The following IGF1R variants were observed in gnomAD, a reference collection of about 807,000 sequenced individuals.
IGF1R encodes the protein insulin-like growth factor 1 receptor.
Under a neutral mutation model 144.6 loss-of-function variants are expected in IGF1R, and 44 were observed. The ratio of observed to expected loss-of-function variants is 0.30; its 90% confidence interval spans 0.24 to 0.39. The LOEUF (loss-of-function observed/expected upper bound fraction) is 0.39. Ranked by LOEUF, IGF1R falls within the 10% of genes least tolerant of loss-of-function variation. IGF1R has a pLI of 1.00. For synonymous variants in IGF1R, 795 were observed against 722.8 expected (o/e 1.10, Z -1.60); for missense variants, 1,355 against 1,833.7 (o/e 0.74, Z 4.77).
At chr15:98,723,298 C>T (rs1343050225) in intron 2 of IGF1R, among the ~76,000 whole-genome samples, 1 of 152,138 alleles carries the variant, frequency 6.6e-6, no homozygotes, top group Non-Finnish European at 1.5e-5. Flanking sequence ...AGACGTTCTT[C>T]TTCTCTCCTT....
At chr15:98,835,241 TCTG>T (rs1450917301) in intron 2 of IGF1R, among the ~76,000 whole-genome samples, 2 of 151,250 alleles carry the variant, frequency 1.3e-5, no homozygotes, top group Non-Finnish European at 2.9e-5. Flanking sequence ...ATTTGAAGGC[TCTG>T]CTAAGAGGCT....
At chr15:98,835,735 G>T (rs745828330) in intron 2 of IGF1R, among the ~76,000 whole-genome samples, 2 of 152,162 alleles carry the variant, frequency 1.3e-5, no homozygotes, top group African/African-American at 2.4e-5. Context: ...AATAATGCTG[G>T]TCCCAAAATC....
rs2017048210 is a variant in IGF1R, at chr15:98,957,453, CTGAATCT to C, written c.*12_*18del. The C allele has an allele frequency of 1.2e-6, 2 of 1,612,600 alleles. No individual in the cohort carries two copies. The highest frequency in any genetic ancestry group is 1.7e-5 in the Admixed American group (1 of 60,010). On this transcript the variant is annotated 3_prime_UTR_variant, in exon 21 of 21. Transcript: ENST00000650285. ...TCTTCGACCTGCTGATCCTTGGATC[CTGAATCT>C]GTGCAAACAGTAACGTGTGCGCACG...
chr15:98,920,346 A>G (rs1284033626), intron 10 of IGF1R, among the ~76,000 whole-genome samples: 1 of 152,218 alleles, frequency 6.6e-6, no homozygotes, highest in Non-Finnish European at 1.5e-5. Flanking sequence ...AGAGCTGTGC[A>G]GTCCCTAAAA....
chr15:98,689,120 A>G (rs1366244744), intron 1 of IGF1R, among the ~76,000 whole-genome samples: 1 of 151,834 alleles, frequency 6.6e-6, no homozygotes, highest in African/African-American at 2.4e-5. Flanking sequence ...GCAGTTTTTC[A>G]TCTTCATTGT....
rs962840582 is a variant in IGF1R, at chr15:98,929,006, G to A, written c.2783-552G>A. 5.3e-5 allele frequency among the ~76,000 whole-genome samples: 8 copies of A among 152,132 alleles called. No homozygotes were observed. In the East Asian group the frequency reaches 1.3e-3, roughly 26 times the overall value. On this transcript the variant is annotated intron_variant, in intron 13 of 20. Transcript: ENST00000650285. ...TATACATAGATGTAGACTGTACATA[G>A]ATGTAAGAATTTCTATTCATTTTAT...
intron 2 of IGF1R, among the ~76,000 whole-genome samples, chr15:98,738,719 T>A (rs2054668842): frequency 6.6e-6 from 1 of 152,230 alleles, no homozygotes; most frequent in African/African-American, 2.4e-5. Flanking sequence ...AATTCAACTC[T>A]GTACTTGAAT....
At chr15:98,744,146 T>C (rs12908437) in intron 2 of IGF1R, among the ~76,000 whole-genome samples, 80,882 of 151,320 alleles carry the variant, frequency 0.53, 22,828 homozygotes, top group Non-Finnish European at 0.63. Context: ...GAAACACACA[T>C]GAGATAATTC....
At chr15:98,897,703 G>A (rs905151038) in intron 4 of IGF1R, among the ~76,000 whole-genome samples, 6 of 152,148 alleles carry the variant, frequency 3.9e-5, no homozygotes, top group African/African-American at 1.2e-4. Flanking sequence ...AGCCTCCCAC[G>A]TTGCTGGGAC....
chr15:98,680,434 T>G (rs866204586), intron 1 of IGF1R, among the ~76,000 whole-genome samples: 7 of 152,092 alleles, frequency 4.6e-5, no homozygotes, highest in Middle Eastern at 6.8e-3. Flanking sequence ...GCCTGGCTAA[T>G]TTTTTGTATT....
rs2017348676 is a variant in IGF1R, at chr15:98,964,437, T to C, written c.*6995T>C. 2 of 227,956 alleles carry C rather than the reference T, an allele frequency of 8.8e-6. No individual in the cohort carries two copies. The highest frequency in any genetic ancestry group is 1.7e-5 in the Non-Finnish European group (2 of 114,662). The allele number at this position is 227,956 out of a possible 1,614,324, so 14.1% of individuals were successfully genotyped here. On this transcript the variant is annotated 3_prime_UTR_variant, in exon 21 of 21. Transcript: ENST00000650285. ...GAAAAAAGAAACTGTCTATTTTGAA[T>C]GGCTGAAGCTAAGGCAACGTTAGTT...
intron 15 of IGF1R, among the ~76,000 whole-genome samples, chr15:98,933,350 A>G (rs2151706143): frequency 6.6e-6 from 1 of 151,082 alleles, no homozygotes; most frequent in East Asian, 1.9e-4. Context: ...TTATTCATTC[A>G]TTCATTTTTT....
intron 2 of IGF1R, among the ~76,000 whole-genome samples, chr15:98,756,812 G>C (rs1274023630): frequency 6.6e-6 from 1 of 151,906 alleles, no homozygotes; most frequent in Non-Finnish European, 1.5e-5. Flanking sequence ...TCTCCTTTTT[G>C]TTGTTTTCTA....
intron 2 of IGF1R, among the ~76,000 whole-genome samples, chr15:98,848,574 T>C (rs1282684959): frequency 1.3e-5 from 2 of 152,238 alleles, no homozygotes; most frequent in Non-Finnish European, 2.9e-5. Flanking sequence ...AACATCATCC[T>C]CTGTTGGGCA....
At chr15:98,789,698 G>A (rs2056086330) in intron 2 of IGF1R, among the ~76,000 whole-genome samples, 1 of 152,136 alleles carries the variant, frequency 6.6e-6, no homozygotes, top group African/African-American at 2.4e-5. Context: ...TGCTCTTATA[G>A]TTTAATAAAG....
Position 98,916,083 on chromosome 15 carries a change from C to T in IGF1R, c.1948C>T (p.Arg650Trp), listed in dbSNP as rs2151681390. Residue 650 changes from arginine to tryptophan, a missense_variant, in exon 9 of 21, where the codon CGG becomes TGG. Physicochemically the swap from Arg to Trp is moderately radical, Grantham distance 101 (BLOSUM62 -3). Coordinates refer to ENST00000650285, the MANE Select transcript of IGF1R (RefSeq NM_000875.5). Reference sequence around the variant, plus strand: ...GAGTTACTACATTGTGCGCTGGCAGCGGCAGCCTCAGGACGGCTACCTTTA... The same window carrying T: ...GAGTTACTACATTGTGCGCTGGCAGTGGCAGCCTCAGGACGGCTACCTTTA... ...NLSYYIVRWQRQPQDGYLYRH... is the reference protein window; with the variant it reads ...NLSYYIVRWQWQPQDGYLYRH... 1 of 1,614,146 alleles carries T rather than the reference C, an allele frequency of 6.2e-7. No homozygotes were observed. Among genetic ancestry groups the T allele is most frequent in the Non-Finnish European group, 8.5e-7 (1 of 1,180,016 alleles).
At chr15:98,687,608 T>C (rs542664066) in intron 1 of IGF1R, among the ~76,000 whole-genome samples, 1 of 152,102 alleles carries the variant, frequency 6.6e-6, no homozygotes, top group African/African-American at 2.4e-5. Flanking sequence ...TCCGCCTTGG[T>C]AGTAGGGTGG....
At chr15:98,798,683 G>A (rs1331422576) in intron 2 of IGF1R, among the ~76,000 whole-genome samples, 1 of 152,090 alleles carries the variant, frequency 6.6e-6, no homozygotes, top group East Asian at 1.9e-4. Context: ...TGAGGAGGAT[G>A]AGATGAGGTT....
intron 6 of IGF1R, among the ~76,000 whole-genome samples, chr15:98,909,259 TTC>T (rs1365049278): frequency 5.8e-4 from 72 of 123,540 alleles, no homozygotes; most frequent in African/African-American, 1.7e-3. Flanking sequence ...TTCTTTTTTT[TTC>T]TTTTTTTTTT....
Sources: gnomAD v4.1 joint callset for allele counts (sites outside exome capture counted in the v4.1 genomes callset) on GRCh38, gnomAD v4.1.1 for gene constraint, MANE v1.5 for transcripts, NCBI Gene and HGNC (gene_info 2026-07-23, HGNC 2026-07-21) for gene names.